The following COLEC10 variants were observed in gnomAD, a reference collection of about 807,000 sequenced individuals.
COLEC10 encodes collectin subfamily member 10, also known as collectin-10.
In COLEC10, 22 loss-of-function variants were observed where a neutral mutation model predicts 28.4. The observed-to-expected ratio is 0.78, with a 90% confidence interval of 0.55 to 1.11. COLEC10 has a LOEUF of 1.11. Among genes scored for constraint, COLEC10 ranks in the 50% least tolerant of loss-of-function variants. The probability of loss-of-function intolerance (pLI) is 0.00; values close to 1 mark genes in which losing one functional copy is unlikely to be tolerated. For synonymous variants in COLEC10, 125 were observed against 116.1 expected (o/e 1.08, Z -0.49); for missense variants, 361 against 344.1 (o/e 1.05, Z -0.39).
chr8:118,956,307 A>G, the COLEC10 span, among the ~76,000 whole-genome samples: 1 of 152,208 alleles, frequency 6.6e-6, no homozygotes, highest in Non-Finnish European at 1.5e-5. Context: ...ACAAAATGAC[A>G]TGATCATTTA....
chr8:119,067,524 C>A, intron 1 of COLEC10, 95 bp downstream of exon 1: 2 of 1,169,536 alleles, frequency 1.7e-6, no homozygotes, highest in Non-Finnish European at 2.4e-6. Context: ...TTTCTCTTCT[C>A]TCCTCCCTAG....
intron 1 of COLEC10, among the ~76,000 whole-genome samples, chr8:119,081,076 C>T (rs1815357901): frequency 6.6e-6 from 1 of 152,068 alleles, no homozygotes; most frequent in Admixed American, 6.5e-5. Flanking sequence ...TCTTATTTAT[C>T]CATTTGTTTT....
chr8:119,102,563 C>G, intron 4 of COLEC10, 162 bp downstream of exon 4: 1 of 578,462 alleles, frequency 1.7e-6, no homozygotes, highest in Non-Finnish European at 3.0e-6. Flanking sequence ...TCCTGTCTCC[C>G]TGCTGGTGAC....
chr8:119,089,545 C>T (rs1214858087), intron 1 of COLEC10, 135 bp from the exon 2 acceptor site: 4 of 644,072 alleles, frequency 6.2e-6, no homozygotes, highest in Non-Finnish European at 1.1e-5. Context: ...GAACATACAT[C>T]CATACTCACA....
At chr8:118,990,977 AAAC>A (rs201091737), upstream of COLEC10, among the ~76,000 whole-genome samples, 11 of 151,328 alleles carry the variant, frequency 7.3e-5, no homozygotes, top group East Asian at 4.0e-4. Context: ...AAGAAAAAAA[AAAC>A]AAAACACCAT....
chr8:119,097,627 A>G (rs968403047), intron 3 of COLEC10, among the ~76,000 whole-genome samples: 3 of 152,086 alleles, frequency 2.0e-5, no homozygotes, highest in Admixed American at 6.6e-5. Flanking sequence ...TTCAAACTGT[A>G]TAAGCTTCAG....
chr8:118,963,757 T>A, the COLEC10 span, among the ~76,000 whole-genome samples: 1 of 152,202 alleles, frequency 6.6e-6, no homozygotes, highest in Non-Finnish European at 1.5e-5. Context: ...CCACAGAGTA[T>A]AAGCTCCAAG....
the COLEC10 span, among the ~76,000 whole-genome samples, chr8:118,979,029 C>T: frequency 2.6e-5 from 4 of 151,964 alleles, no homozygotes; most frequent in African/African-American, 9.6e-5. Flanking sequence ...AGTTTTCATG[C>T]CTTTGTTAAA....
chr8:119,011,661 C>A (rs765698532), intron 2 of COLEC10, among the ~76,000 whole-genome samples: 11 of 150,850 alleles, frequency 7.3e-5, no homozygotes, highest in Non-Finnish European at 1.5e-4. Context: ...TTTCTTTATA[C>A]AAATGTTGCA....
At chr8:119,091,110 A>G (rs765331358) in intron 2 of COLEC10, 39 bp from the exon 3 acceptor site, 3 of 1,536,022 alleles carry the variant, frequency 2.0e-6, no homozygotes, top group East Asian at 4.5e-5. Flanking sequence ...AAGGGAAGAT[A>G]AAACCTTATG....
intron 2 of COLEC10, among the ~76,000 whole-genome samples, chr8:119,037,524 T>C (rs932775648): frequency 6.6e-6 from 1 of 152,162 alleles, no homozygotes; most frequent in Non-Finnish European, 1.5e-5. Context: ...GACTCTTGTG[T>C]CTTCATGAGA....
At chr8:119,094,994 T>C (rs1357557167) in intron 3 of COLEC10, among the ~76,000 whole-genome samples, 1 of 152,140 alleles carries the variant, frequency 6.6e-6, no homozygotes, top group Non-Finnish European at 1.5e-5. Flanking sequence ...CATGAGGTTC[T>C]AATCACAGCA....
intron 5 of COLEC10, among the ~76,000 whole-genome samples, chr8:119,104,265 C>G (rs1487242829): frequency 6.6e-6 from 1 of 152,094 alleles, no homozygotes; most frequent in Non-Finnish European, 1.5e-5. Context: ...TTCTTGAGTG[C>G]ATGGAATAGT....
intron 3 of COLEC10, among the ~76,000 whole-genome samples, chr8:119,092,215 G>T (rs1563741508): frequency 6.6e-6 from 1 of 151,654 alleles, no homozygotes; most frequent in Non-Finnish European, 1.5e-5. Context: ...GACTACAGAT[G>T]CCCACCACCA....
At chr8:118,991,061 G>T (rs1177233819), upstream of COLEC10, among the ~76,000 whole-genome samples, 1 of 151,680 alleles carries the variant, frequency 6.6e-6, no homozygotes, top group Non-Finnish European at 1.5e-5. Context: ...TTTCATTTAA[G>T]CCTAGGAAAC....
the COLEC10 span, among the ~76,000 whole-genome samples, chr8:118,973,556 C>A: frequency 2.6e-5 from 4 of 151,918 alleles, no homozygotes; most frequent in South Asian, 2.1e-4. Context: ...GTCAAAAAGA[C>A]AAAAGAATCT....
intron 2 of COLEC10, among the ~76,000 whole-genome samples, chr8:119,052,483 G>A (rs1324191945): frequency 1.3e-5 from 2 of 152,066 alleles, no homozygotes; most frequent in Non-Finnish European, 2.9e-5. Flanking sequence ...AGCTACCATA[G>A]CTATCATTAC....
chr8:118,987,046 C>G, the COLEC10 span, among the ~76,000 whole-genome samples: 1 of 151,956 alleles, frequency 6.6e-6, no homozygotes, highest in Non-Finnish European at 1.5e-5. Flanking sequence ...GTGAATTTCA[C>G]CTTTAAAAAA....
At chr8:119,097,131 G>T (rs1212698369) in intron 3 of COLEC10, among the ~76,000 whole-genome samples, 1 of 152,026 alleles carries the variant, frequency 6.6e-6, no homozygotes, top group Non-Finnish European at 1.5e-5. Flanking sequence ...AGAAAGGAGG[G>T]CTGTAATAAT....
Sources: gnomAD v4.1 joint callset for allele counts (sites outside exome capture counted in the v4.1 genomes callset) on GRCh38, gnomAD v4.1.1 for gene constraint, MANE v1.5 for transcripts, NCBI Gene and HGNC (gene_info 2026-07-23, HGNC 2026-07-21) for gene names.